The following NAALADL2 variants were observed in gnomAD, a reference collection of about 807,000 sequenced individuals.
The protein encoded by NAALADL2 is inactive N-acetylated-alpha-linked acidic dipeptidase-like protein 2.
In NAALADL2, 76 loss-of-function variants were observed where a neutral mutation model predicts 87.2. That is an observed-to-expected ratio of 0.87 (90% CI 0.72 to 1.05). The LOEUF is 1.05. Among genes scored for constraint, NAALADL2 ranks in the 50% least tolerant of loss-of-function variants. NAALADL2 has a pLI of 0.00. For synonymous variants in NAALADL2, 354 were observed against 331.0 expected (o/e 1.07, Z -0.75); for missense variants, 1,089 against 945.8 (o/e 1.15, Z -1.99).
chr3:175,619,185 T>C (rs1403071946), intron 10 of NAALADL2, among the ~76,000 whole-genome samples: 1 of 149,196 alleles, frequency 6.7e-6, no homozygotes, highest in Non-Finnish European at 1.5e-5. Context: ...GTGAAGCTGT[T>C]GAACCAGATT....
chr3:175,413,273 A>G (rs1385396231), intron 5 of NAALADL2, among the ~76,000 whole-genome samples: 2 of 150,762 alleles, frequency 1.3e-5, no homozygotes, highest in Middle Eastern at 3.4e-3. Flanking sequence ...CGACTCCATT[A>G]AAACTACCAA....
Position 175,568,800 on chromosome 3 carries a change from A to G in NAALADL2, c.1654-7241A>G, listed in dbSNP as rs140673248. Reference sequence around the variant, plus strand: ...ATACAAATTTGCATTTTTGTAATATATAGGCTTTTTAAAATTAACACATTA... The same window carrying G: ...ATACAAATTTGCATTTTTGTAATATGTAGGCTTTTTAAAATTAACACATTA... On this transcript the variant is annotated intron_variant, in intron 9 of 13. Coordinates refer to ENST00000454872, the MANE Select transcript of NAALADL2 (RefSeq NM_207015.3). 2.2e-3 allele frequency among the ~76,000 whole-genome samples: 339 copies of G among 152,362 alleles called. 2 individuals carry two copies. The highest frequency in any genetic ancestry group is 7.8e-3 in the African/African-American group (324 of 41,584).
At chr3:175,333,311 T>C (rs1215885690) in intron 5 of NAALADL2, among the ~76,000 whole-genome samples, 2 of 152,176 alleles carry the variant, frequency 1.3e-5, no homozygotes, top group Non-Finnish European at 2.9e-5. Flanking sequence ...GCAGCAGCTG[T>C]GTTGCAGCCC....
chr3:174,595,841 T>C (rs930674613), intron 2 of NAALADL2, among the ~76,000 whole-genome samples: 1 of 151,994 alleles, frequency 6.6e-6, no homozygotes, highest in Non-Finnish European at 1.5e-5. Flanking sequence ...AGAAACCCCG[T>C]TTCTACTAAA....
chr3:175,429,138 AAATTCTGTT>A (rs887236721), intron 5 of NAALADL2, among the ~76,000 whole-genome samples: 1 of 151,524 alleles, frequency 6.6e-6, no homozygotes, highest in Non-Finnish European at 1.5e-5. Flanking sequence ...ATGTTAACAT[AAATTCTGTT>A]AATTCTGGAC....
chr3:175,093,416 T>TATATATATATATATA (rs1489640629), intron 1 of NAALADL2, among the ~76,000 whole-genome samples: 12 of 139,502 alleles, frequency 8.6e-5, no homozygotes, highest in African/African-American at 1.6e-4. Flanking sequence ...TTTTATTTTT[T>TATATATATATATATA]TATATATATA....
chr3:174,763,586 C>CAAAAAAAAAAAAAAAAAAAAAAAAAAAA (rs1163373340), intron 3 of NAALADL2, among the ~76,000 whole-genome samples: 25 of 48,326 alleles, frequency 5.2e-4, no homozygotes, highest in Non-Finnish European at 6.9e-4. Context: ...GACTCCATCT[C>CAAAAAAAAAAAAAAAAAAAAAAAAAAAA]AAAAAAAAAA....
intron 4 of NAALADL2, among the ~76,000 whole-genome samples, chr3:175,304,077 A>G (rs1167725085): frequency 6.6e-6 from 1 of 151,944 alleles, no homozygotes; most frequent in Non-Finnish European, 1.5e-5. Context: ...CCAAATGTTG[A>G]TTTTCTTATT....
At chr3:174,721,478 A>G (rs1013026807) in intron 2 of NAALADL2, among the ~76,000 whole-genome samples, 2 of 152,198 alleles carry the variant, frequency 1.3e-5, no homozygotes, top group Non-Finnish European at 2.9e-5. Flanking sequence ...ACAGTGGACA[A>G]AACCCTGAAT....
chr3:175,088,295 G>T (rs1719436506), intron 1 of NAALADL2, among the ~76,000 whole-genome samples: 1 of 152,148 alleles, frequency 6.6e-6, no homozygotes, highest in Admixed American at 6.5e-5. Context: ...ATAGATTTGG[G>T]AGGTTAACAT....
chr3:174,592,547 C>A (rs1717483663), intron 2 of NAALADL2, among the ~76,000 whole-genome samples: 1 of 152,086 alleles, frequency 6.6e-6, no homozygotes. Context: ...CCCTTAGAAT[C>A]TTTTTCATCT....
rs189834764 is a variant in NAALADL2, at chr3:175,612,348, G to A, written c.1801-14943G>A. ...GACAAAAAGATTTTCAAATAACAAT[G>A]AGTAGTACAGTAAGTGATAAAATCT... On this transcript the variant is annotated intron_variant, in intron 10 of 13. Coordinates refer to ENST00000454872, the MANE Select transcript of NAALADL2 (RefSeq NM_207015.3). Among the ~76,000 whole-genome samples the A allele has an allele frequency of 1.8e-3, 275 of 152,214 alleles. 1 individual carries two copies. The highest frequency in any genetic ancestry group is 2.9e-3 in the Non-Finnish European group (198 of 67,998).
chr3:174,927,377 C>T (rs552494351), intron 1 of NAALADL2, among the ~76,000 whole-genome samples: 2 of 152,312 alleles, frequency 1.3e-5, no homozygotes, highest in South Asian at 4.1e-4. Context: ...ATCTACAGAA[C>T]TCTCCACCTC....
intron 3 of NAALADL2, among the ~76,000 whole-genome samples, chr3:175,240,110 G>A (rs984327573): frequency 4.6e-5 from 7 of 151,954 alleles, no homozygotes; most frequent in Non-Finnish European, 8.8e-5. Context: ...AAAATGCCTA[G>A]GCCAGTATGA....
At chr3:175,372,902 T>C (rs1766680111) in intron 5 of NAALADL2, among the ~76,000 whole-genome samples, 1 of 152,202 alleles carries the variant, frequency 6.6e-6, no homozygotes, top group Non-Finnish European at 1.5e-5. Context: ...AGCATCATCA[T>C]CTTCCCAAAG....
chr3:174,760,237 G>A (rs1712737782), intron 3 of NAALADL2, among the ~76,000 whole-genome samples: 1 of 152,160 alleles, frequency 6.6e-6, no homozygotes, highest in South Asian at 2.1e-4. Context: ...CCATGCTGGT[G>A]AAGACCATTC....
At chr3:174,899,002 T>C (rs984752140) in intron 1 of NAALADL2, among the ~76,000 whole-genome samples, 1 of 152,192 alleles carries the variant, frequency 6.6e-6, no homozygotes, top group South Asian at 2.1e-4. Context: ...ATAGATATTA[T>C]ATTTTACAAT....
intron 6 of NAALADL2, among the ~76,000 whole-genome samples, chr3:175,461,283 CAG>C (rs758957144): frequency 2.0e-5 from 3 of 151,464 alleles, no homozygotes; most frequent in Non-Finnish European, 4.4e-5. Context: ...TAGATAGACA[CAG>C]AGAGCTGATG....
intron 1 of NAALADL2, among the ~76,000 whole-genome samples, chr3:175,070,323 G>T (rs78297388): frequency 0.11 from 16,787 of 151,682 alleles, 1,057 homozygotes; most frequent in East Asian, 0.21. Context: ...ATTAGACCTT[G>T]TGGTGATTCG....
Sources: gnomAD v4.1 joint callset for allele counts (sites outside exome capture counted in the v4.1 genomes callset) on GRCh38, gnomAD v4.1.1 for gene constraint, MANE v1.5 for transcripts, NCBI Gene and HGNC (gene_info 2026-07-23, HGNC 2026-07-21) for gene names.